Variants in RSF1 observed in about 807,000 individuals in gnomAD.
The protein encoded by RSF1 is remodeling and spacing factor 1.
Under a neutral mutation model 145.2 loss-of-function variants are expected in RSF1, and 13 were observed. That is an observed-to-expected ratio of 0.09 (90% CI 0.06 to 0.14). RSF1 has a LOEUF of 0.14. Among genes scored for constraint, RSF1 ranks in the 10% least tolerant of loss-of-function variants. The pLI is 1.00. For missense variants in RSF1, 1,517 were observed against 1,718.2 expected, an observed-to-expected ratio of 0.88 and a Z score of 2.07; for synonymous variants, 577 against 592.6, an observed-to-expected ratio of 0.97 and a Z score of 0.38.
At chr11:77,835,146 A>G in the RSF1 span, among the ~76,000 whole-genome samples, 2 of 152,364 alleles carry the variant, frequency 1.3e-5, no homozygotes, top group South Asian at 4.1e-4. Context: ...GAGTGTGACC[A>G]CATGACTGTA....
At chr11:77,684,915 A>G (rs1011840749) in intron 10 of RSF1, among the ~76,000 whole-genome samples, 190 bp downstream of exon 10, 2 of 152,148 alleles carry the variant, frequency 1.3e-5, no homozygotes, top group Non-Finnish European at 2.9e-5. Context: ...TGAACCCAGG[A>G]GGCAGACACT....
At chr11:77,780,890 G>A (rs1948396579) in intron 1 of RSF1, among the ~76,000 whole-genome samples, 1 of 151,188 alleles carries the variant, frequency 6.6e-6, no homozygotes, top group Non-Finnish European at 1.5e-5. Context: ...TTTGCAGTCA[G>A]TCACCCCACT....
rs1385006235 is a variant in RSF1 at position 77,737,455 on chromosome 11, A to T, written c.578+3276T>A. The stretch of plus-strand genomic sequence containing the variant: ...GGGCAACAAAGCGAGATCCTGTCTC[A>T]AAAAAAAAAAACCAAAAAACAACAA... On this transcript the variant is annotated intron_variant, in intron 4 of 15. Coordinates refer to ENST00000308488, the MANE Select transcript of RSF1 (RefSeq NM_016578.4). 2.1e-5 allele frequency among the ~76,000 whole-genome samples: 3 copies of T among 140,066 alleles called. No individual in the cohort carries two copies. In the Admixed American group the frequency reaches 2.2e-4, roughly 10 times the overall value. 91.9% of individuals were successfully genotyped at this position (140,066 alleles called of 152,430 possible).
chr11:77,685,443 G>T (rs894607477), intron 9 of RSF1, among the ~76,000 whole-genome samples: 2 of 152,078 alleles, frequency 1.3e-5, no homozygotes, highest in Non-Finnish European at 2.9e-5. Flanking sequence ...TTACAGGTGA[G>T]AGCCACCACA....
intron 5 of RSF1, among the ~76,000 whole-genome samples, chr11:77,704,736 T>G (rs1960502578): frequency 6.6e-6 from 1 of 150,500 alleles, no homozygotes; most frequent in South Asian, 2.1e-4. Flanking sequence ...TCTTTGGTTT[T>G]TTGTGTGTTT....
At chr11:77,831,863 T>A in the RSF1 span, 1 of 39,754 alleles carries the variant, frequency 2.5e-5, no homozygotes, top group Non-Finnish European at 4.3e-5. Context: ...GCCTGGCTAA[T>A]TTTTTTTTTT....
At chr11:77,782,593 G>T (rs1419181137) in intron 1 of RSF1, among the ~76,000 whole-genome samples, 1 of 151,246 alleles carries the variant, frequency 6.6e-6, no homozygotes, top group Non-Finnish European at 1.5e-5. Context: ...AGGGCTGTAT[G>T]CAGCATATTA....
chr11:77,777,308 C>G (rs1331660314), intron 1 of RSF1, among the ~76,000 whole-genome samples: 1 of 151,868 alleles, frequency 6.6e-6, no homozygotes, highest in East Asian at 1.9e-4. Flanking sequence ...ATTAGTAATC[C>G]CCGCCAGGCG....
intron 4 of RSF1, chr11:77,734,946 T>C (rs1201706125): frequency 5.0e-6 from 8 of 1,593,450 alleles, no homozygotes; most frequent in Non-Finnish European, 6.8e-6. Flanking sequence ...CACAGAGCTC[T>C]AGGTTGATCT....
At chr11:77,750,898 C>T (rs970272088) in intron 2 of RSF1, among the ~76,000 whole-genome samples, 1 of 152,084 alleles carries the variant, frequency 6.6e-6, no homozygotes, top group Non-Finnish European at 1.5e-5. Flanking sequence ...TTGCGTTCTC[C>T]TGCTTGGTGC....
chr11:77,789,587 G>A (rs564851444), intron 1 of RSF1, among the ~76,000 whole-genome samples: 8 of 152,290 alleles, frequency 5.3e-5, no homozygotes, highest in Non-Finnish European at 7.4e-5. Context: ...TGAGCAGAGC[G>A]TGTGTTCCCC....
chr11:77,737,447 C>T lies in RSF1; in HGVS notation c.578+3284G>A, dbSNP rs1287068351. Among the ~76,000 whole-genome samples, 4 of 149,636 alleles carry T rather than the reference C, an allele frequency of 2.7e-5. No individual in the cohort carries two copies. In the Admixed American group the frequency reaches 2.7e-4, roughly 10 times the overall value. ...TGCAGCCTGGGCAACAAAGCGAGAT[C>T]CTGTCTCAAAAAAAAAAAACCAAAA... On this transcript the variant is annotated intron_variant, in intron 4 of 15. Coordinates refer to ENST00000308488, the MANE Select transcript of RSF1 (RefSeq NM_016578.4).
intron 10 of RSF1, 116 bp from the exon 11 acceptor site, chr11:77,683,935 TTGAGATGATCCC>T (rs1959936007): frequency 1.5e-6 from 1 of 674,010 alleles, no homozygotes; most frequent in South Asian, 2.0e-5. Context: ...CTGAAAAAGT[TTGAGATGATCCC>T]CTCCAAAAGT....
At chr11:77,867,753 C>T in the RSF1 span, among the ~76,000 whole-genome samples, 1 of 152,204 alleles carries the variant, frequency 6.6e-6, no homozygotes, top group Non-Finnish European at 1.5e-5. Context: ...GTTCAAGAAG[C>T]TACCATCCTT....
chr11:77,811,341 A>C (rs1382497673), intron 1 of RSF1, among the ~76,000 whole-genome samples: 1 of 152,244 alleles, frequency 6.6e-6, no homozygotes, highest in Non-Finnish European at 1.5e-5. Flanking sequence ...ATTTGCTATT[A>C]CCCACCAATT....
chr11:77,775,657 A>G (rs1347833092), intron 1 of RSF1, among the ~76,000 whole-genome samples: 3 of 152,254 alleles, frequency 2.0e-5, no homozygotes, highest in Admixed American at 6.5e-5. Flanking sequence ...GAGCAGGGCC[A>G]GGTCCGGTGG....
At chr11:77,858,562 C>A in the RSF1 span, among the ~76,000 whole-genome samples, 2 of 152,034 alleles carry the variant, frequency 1.3e-5, no homozygotes, top group African/African-American at 4.8e-5. Flanking sequence ...ATGTGGTCAC[C>A]TTCCCAGCTA....
chr11:77,820,390 A>G lies in RSF1; in HGVS notation c.187+138T>C, dbSNP rs910235107. 1.1e-5 allele frequency: 10 copies of G among 924,692 alleles called. No individual in the cohort carries two copies. The African/African-American group carries it at 1.5e-4, about 14-fold the overall frequency. 57.3% of individuals were successfully genotyped at this position (924,692 alleles called of 1,614,324 possible). A position where few individuals can be genotyped will look rare whatever the true frequency, so the allele number is the denominator to read the frequency against. Reference sequence around the variant, plus strand: ...CCCCGGGGGCTGGGCGGAGAAGACCAGCCCGGCGGAGTTGCGTCCCAGGGG... The same window carrying G: ...CCCCGGGGGCTGGGCGGAGAAGACCGGCCCGGCGGAGTTGCGTCCCAGGGG... On this transcript the variant is annotated intron_variant, in intron 1 of 15. Transcript: ENST00000308488.
chr11:77,711,741 G>T (rs1274010169), intron 5 of RSF1, among the ~76,000 whole-genome samples: 1 of 152,106 alleles, frequency 6.6e-6, no homozygotes, highest in East Asian at 1.9e-4. Flanking sequence ...AAGAACTTAC[G>T]TAACTAGAGT....
Sources: gnomAD v4.1 joint callset for allele counts (sites outside exome capture counted in the v4.1 genomes callset) on GRCh38, gnomAD v4.1.1 for gene constraint, MANE v1.5 for transcripts, NCBI Gene and HGNC (gene_info 2026-07-23, HGNC 2026-07-21) for gene names.